Variants in CATSPER2 observed in about 807,000 individuals in gnomAD.
CATSPER2 encodes the protein cation channel sperm associated 2.
A neutral mutation model predicts 68.8 loss-of-function variants in CATSPER2; 56 were observed. That is an observed-to-expected ratio of 0.81 (90% CI 0.66 to 1.02). The LOEUF (loss-of-function observed/expected upper bound fraction) is 1.02, where lower values mean the gene tolerates loss of function less well. CATSPER2 is among the 50% of genes least tolerant of loss of function. The pLI, the probability that CATSPER2 is intolerant of heterozygous loss-of-function variation, is 0.00. For missense variants in CATSPER2, 582 were observed against 642.0 expected (o/e 0.91, Z 1.01); for synonymous variants, 198 against 229.9 (o/e 0.86, Z 1.26).
intron 4 of CATSPER2, among the ~76,000 whole-genome samples, chr15:43,644,155 G>A (rs891115912): frequency 6.6e-6 from 1 of 151,870 alleles, no homozygotes; most frequent in African/African-American, 2.4e-5. Context: ...ATCCAGTTGT[G>A]GAAGCAGATT....
intron 6 of CATSPER2, among the ~76,000 whole-genome samples, chr15:43,639,255 T>A (rs573716191): frequency 2.6e-5 from 4 of 151,510 alleles, no homozygotes; most frequent in African/African-American, 9.7e-5. Flanking sequence ...ATATATTTTT[T>A]TTTTTTTTAG....
At chr15:43,645,206 C>A (rs143764101) in intron 4 of CATSPER2, among the ~76,000 whole-genome samples, 2 of 151,932 alleles carry the variant, frequency 1.3e-5, no homozygotes, top group East Asian at 3.9e-4. Flanking sequence ...CAGGCATGTG[C>A]CACCACACCT....
intron 12 of CATSPER2, among the ~76,000 whole-genome samples, chr15:43,631,229 C>A (rs2085864717): frequency 6.6e-6 from 1 of 151,962 alleles, no homozygotes; most frequent in South Asian, 2.1e-4. Context: ...ACCCCTAAAT[C>A]TTCTGTTTTT....
intron 10 of CATSPER2, chr15:43,634,526 G>C (rs551988831): frequency 6.6e-6 from 1 of 152,110 alleles, no homozygotes; most frequent in Admixed American, 6.5e-5. Context: ...CTAAATTTTT[G>C]AGATGGGATC....
chr15:43,636,682 C>T (rs1166715318), intron 7 of CATSPER2, among the ~76,000 whole-genome samples: 1 of 151,224 alleles, frequency 6.6e-6, no homozygotes, highest in Non-Finnish European at 1.5e-5. Context: ...TGAGCCACCG[C>T]ACCCAGCCTA....
At chr15:43,640,986 T>C in intron 4 of CATSPER2, among the ~76,000 whole-genome samples, 1 of 151,826 alleles carries the variant, frequency 6.6e-6, no homozygotes, top group South Asian at 2.1e-4. Flanking sequence ...AATAAATCAC[T>C]TGGTTCTGTT....
At chr15:43,645,206 C>T (rs143764101) in intron 4 of CATSPER2, among the ~76,000 whole-genome samples, 10 of 151,814 alleles carry the variant, frequency 6.6e-5, no homozygotes, top group African/African-American at 2.4e-5. Flanking sequence ...CAGGCATGTG[C>T]CACCACACCT....
Position 43,647,308 on chromosome 15 carries a change from C to G in CATSPER2, c.305G>C (p.Gly102Ala), listed in dbSNP as rs750391520. 57 of 1,610,182 alleles carry G rather than the reference C, an allele frequency of 3.5e-5. No homozygotes were observed. Among genetic ancestry groups the G allele is most frequent in the Non-Finnish European group, 4.8e-5 (57 of 1,176,802 alleles). The change falls in exon 3 of 13, where the codon GGA (glycine) becomes GCA (alanine). Residue 102 changes from glycine (G) to alanine (A), a missense_variant. Coordinates refer to ENST00000396879, the MANE Select transcript of CATSPER2 (RefSeq NM_172095.4). Reference protein sequence around the residue: ...SQRPPLSLWAGWVLECPLFKN... With the variant: ...SQRPPLSLWAAWVLECPLFKN... ...TGAAAGGATACACTCAAGGACCCAT[C>G]CGGCCCACAAAGAAAGAGGTGGCCT...
intron 10 of CATSPER2, chr15:43,635,155 C>G: frequency 2.0e-6 from 1 of 489,026 alleles, no homozygotes; most frequent in Non-Finnish European, 3.8e-6. Flanking sequence ...AACTTAGGAT[C>G]TTTTTTTTTT....
chr15:43,647,084 G>C lies in CATSPER2; in HGVS notation c.354C>G (p.Val118=), dbSNP rs1376320121. ...CCATCAATATGATCGTATTCAAAAA[G>C]ACCAGGAAGATGATGAAGTTTTTGA... ...PLFKNFIIFL[V]FLNTIILMVE... is the part of the protein sequence containing the mutation. Residue 118 remains valine, a synonymous_variant, in exon 4 of 13, where the codon GTC becomes GTG. Transcript: ENST00000396879. The C allele has an allele frequency of 2.5e-6, 4 of 1,613,028 alleles. No homozygotes were observed. The East Asian group carries it at 6.7e-5, about 27-fold the overall frequency.
chr15:43,639,905 G>A (rs12443102), intron 5 of CATSPER2, 107 bp from the exon 6 acceptor site: 10 of 1,600,748 alleles, frequency 6.2e-6, no homozygotes, highest in Non-Finnish European at 8.5e-6. Flanking sequence ...GTTATCCCTT[G>A]AATAGCATTC....
At chr15:43,641,412 C>A (rs910890401) in intron 4 of CATSPER2, among the ~76,000 whole-genome samples, 34 of 151,514 alleles carry the variant, frequency 2.2e-4, no homozygotes, top group Non-Finnish European at 1.5e-5. Context: ...CACACCTGGC[C>A]GAAACCTATT....
chr15:43,637,216 T>C (rs1047892273), intron 7 of CATSPER2, among the ~76,000 whole-genome samples: 5 of 151,986 alleles, frequency 3.3e-5, no homozygotes, highest in African/African-American at 1.2e-4. Flanking sequence ...TTAGCAAATT[T>C]AGCAAAATAG....
intron 4 of CATSPER2, among the ~76,000 whole-genome samples, chr15:43,645,170 C>G (rs1264084705): frequency 1.3e-5 from 2 of 151,892 alleles, no homozygotes; most frequent in Non-Finnish European, 1.5e-5. Context: ...ATCCTCCCAC[C>G]TCAGCCTGCT....
At chr15:43,631,153 C>T (rs1595968696) in intron 12 of CATSPER2, among the ~76,000 whole-genome samples, 1 of 152,118 alleles carries the variant, frequency 6.6e-6, no homozygotes, top group African/African-American at 2.4e-5. Context: ...TATTTTCAAA[C>T]TGAGTTGATT....
At chr15:43,640,879 T>C (rs2086060236) in intron 4 of CATSPER2, among the ~76,000 whole-genome samples, 1 of 151,594 alleles carries the variant, frequency 6.6e-6, no homozygotes, top group Admixed American at 6.6e-5. Context: ...GCAATGGGTC[T>C]TGAGAACAGA....
In CATSPER2 at chr15:43,632,430, C is replaced by A; in HGVS notation, c.1397-67G>T. ...AAAAGTTGGGTAAGAGCTGGTAAAT[C>A]CTATGGTGTGGGTGGAAAGGTGGGG... On this transcript the variant is annotated intron_variant, in intron 11 of 12. Coordinates refer to ENST00000396879, the MANE Select transcript of CATSPER2 (RefSeq NM_172095.4). The A allele has an allele frequency of 1.3e-6, 2 of 1,586,376 alleles. 1 individual carries two copies. Among genetic ancestry groups the A allele is most frequent in the Non-Finnish European group, 1.7e-6 (2 of 1,161,872 alleles).
At chr15:43,644,294 C>G (rs1456445280) in intron 4 of CATSPER2, among the ~76,000 whole-genome samples, 1 of 151,792 alleles carries the variant, frequency 6.6e-6, no homozygotes. Context: ...AAATAATTTC[C>G]CTCTGCAAAA....
intron 10 of CATSPER2, chr15:43,634,055 C>T (rs2085923353): frequency 6.6e-6 from 1 of 151,786 alleles, no homozygotes; most frequent in African/African-American, 2.4e-5. Flanking sequence ...TCCCATAATG[C>T]TTATCATATT....
Sources: gnomAD v4.1 joint callset for allele counts (sites outside exome capture counted in the v4.1 genomes callset) on GRCh38, gnomAD v4.1.1 for gene constraint, MANE v1.5 for transcripts, NCBI Gene and HGNC (gene_info 2026-07-23, HGNC 2026-07-21) for gene names.